The following CDH4 variants were observed in gnomAD, a reference collection of about 807,000 sequenced individuals.
CDH4 encodes cadherin-4.
CDH4 carries 33 observed loss-of-function variants against 86.0 expected under a neutral mutation model. The observed-to-expected ratio is 0.38, with a 90% CI of 0.29 to 0.51. The LOEUF (loss-of-function observed/expected upper bound fraction) is 0.51. CDH4 is among the 20% of genes least tolerant of loss of function. The pLI is 0.86. For missense variants in CDH4, 1,114 were observed against 1,307.4 expected (o/e 0.85, Z 2.28); for synonymous variants, 555 against 549.4 (o/e 1.01, Z -0.14).
At chr20:61,619,610 G>A (rs2086753537) in intron 2 of CDH4, among the ~76,000 whole-genome samples, 2 of 152,300 alleles carry the variant, frequency 1.3e-5, no homozygotes, top group Middle Eastern at 6.8e-3. Flanking sequence ...CTCAAGTCTG[G>A]TTCAGGCTGT....
chr20:61,843,825 A>G (rs1356042588), intron 4 of CDH4, among the ~76,000 whole-genome samples: 1 of 152,192 alleles, frequency 6.6e-6, no homozygotes, highest in Non-Finnish European at 1.5e-5. Context: ...TGCTAAAGAC[A>G]TGCTCAAAGT....
intron 2 of CDH4, among the ~76,000 whole-genome samples, chr20:61,275,255 G>A (rs1479675572): frequency 5.6e-5 from 8 of 142,970 alleles, no homozygotes; most frequent in South Asian, 4.6e-4. Flanking sequence ...AATACCGTGT[G>A]CAGTTTGGGG....
intron 2 of CDH4, among the ~76,000 whole-genome samples, chr20:61,264,528 C>G (rs1240686477): frequency 6.9e-6 from 1 of 145,410 alleles, no homozygotes; most frequent in Non-Finnish European, 1.5e-5. Context: ...CTACACATAC[C>G]CCAGTGGCTC....
intron 2 of CDH4, among the ~76,000 whole-genome samples, chr20:61,474,533 A>G (rs2085524258): frequency 6.6e-6 from 1 of 152,024 alleles, no homozygotes; most frequent in Non-Finnish European, 1.5e-5. Context: ...CCTTCGGGGT[A>G]GTAAATATCA....
intron 4 of CDH4, among the ~76,000 whole-genome samples, chr20:61,805,961 G>A (rs888512207): frequency 6.6e-6 from 1 of 152,224 alleles, no homozygotes; most frequent in East Asian, 1.9e-4. Context: ...TGGTGCTGTG[G>A]AAAGCTACGC....
At chr20:61,688,011 G>A (rs1214085427) in intron 2 of CDH4, among the ~76,000 whole-genome samples, 1 of 152,092 alleles carries the variant, frequency 6.6e-6, no homozygotes, top group African/African-American at 2.4e-5. Context: ...AGTCGTAAGT[G>A]CAGGAGTCTC....
At chr20:61,573,773 T>TC (rs1188974247) in intron 2 of CDH4, among the ~76,000 whole-genome samples, 18 of 152,162 alleles carry the variant, frequency 1.2e-4, no homozygotes, top group African/African-American at 4.3e-4. Flanking sequence ...AGAAATCCCA[T>TC]CACATGGCAG....
Position 61,873,787 on chromosome 20 carries a change from A to C in CDH4, c.937A>C (p.Met313Leu), listed in dbSNP as rs1430494604. Residue 313 changes from methionine to leucine, a missense_variant, in exon 7 of 16, where the codon ATG (methionine) becomes CTG (leucine). Transcript: ENST00000614565. ...TGACGACAGCACCACGGCCAACGGG[A>C]TGGTGCGGTACCGGATCGTGACCCA... is the stretch of plus-strand genomic sequence containing the variant. ...DADDSTTANG[M>L]VRYRIVTQTP... 2 of 1,614,024 alleles carry C rather than the reference A, an allele frequency of 1.2e-6. No homozygotes were observed. Among genetic ancestry groups the C allele is most frequent in the South Asian group, 2.2e-5 (2 of 91,080 alleles).
intron 2 of CDH4, among the ~76,000 whole-genome samples, chr20:61,364,914 G>A (rs903363281): frequency 2.0e-5 from 3 of 152,152 alleles, no homozygotes; most frequent in African/African-American, 7.2e-5. Flanking sequence ...TGCAGAGTGG[G>A]GACAGCAGGA....
At chr20:61,371,561 C>T (rs2084840562) in intron 2 of CDH4, among the ~76,000 whole-genome samples, 1 of 152,236 alleles carries the variant, frequency 6.6e-6, no homozygotes, top group Non-Finnish European at 1.5e-5. Flanking sequence ...CCTGTGGCTT[C>T]TCAGCCTTTC....
chr20:61,826,356 G>A (rs1351294408), intron 4 of CDH4, among the ~76,000 whole-genome samples: 1 of 152,218 alleles, frequency 6.6e-6, no homozygotes, highest in Non-Finnish European at 1.5e-5. Flanking sequence ...AGCACTCTTG[G>A]TCTTTTCTGG....
intron 2 of CDH4, chr20:61,718,770 T>C: frequency 2.1e-6 from 1 of 470,732 alleles, no homozygotes; most frequent in Non-Finnish European, 4.4e-6. Flanking sequence ...CCTACACCCC[T>C]GCACACACAC....
At chr20:61,626,491 G>T (rs190924562) in intron 2 of CDH4, among the ~76,000 whole-genome samples, 4 of 152,136 alleles carry the variant, frequency 2.6e-5, no homozygotes, top group African/African-American at 9.6e-5. Flanking sequence ...AGTGCGTTGT[G>T]GGGGGTGGGG....
chr20:61,313,679 T>A (rs75496686), intron 2 of CDH4, among the ~76,000 whole-genome samples: 3,130 of 152,316 alleles, frequency 0.021, 90 homozygotes, highest in East Asian at 0.13. Context: ...GAAGGTATAA[T>A]TGACAAATAA....
Position 61,393,988 on chromosome 20 carries a change from A to G in CDH4, c.169+139051A>G, listed in dbSNP as rs1000478084. 6.6e-6 allele frequency among the ~76,000 whole-genome samples: 1 copy of G among 152,222 alleles called. No homozygotes were observed. On this transcript the variant is annotated intron_variant, in intron 2 of 15. Coordinates refer to ENST00000614565, the MANE Select transcript of CDH4 (RefSeq NM_001794.5). This position sits in a 1 kb window ranked among gnomAD's most constrained non-coding sequence, Gnocchi z 4.3. ...AATCTAATAACATTGCTCTATCTGC[A>G]TAGATCACAGAAGACGTATAATACA...
rs183270564 is a variant in CDH4 at position 61,877,419 on chromosome 20, C to A, written c.1050+3519C>A. ...TCAGCGTGGCCTGCAAAATGTTCCACATAAAATGCTCATTTAAAAGCCATT... is the reference window on the plus strand; with the variant it reads ...TCAGCGTGGCCTGCAAAATGTTCCAAATAAAATGCTCATTTAAAAGCCATT... On this transcript the variant is annotated intron_variant, in intron 7 of 15. Coordinates refer to ENST00000614565, the MANE Select transcript of CDH4 (RefSeq NM_001794.5). Among the ~76,000 whole-genome samples, 601 of 145,908 alleles carry A rather than the reference C, an allele frequency of 4.1e-3. 3 individuals carry two copies. Among genetic ancestry groups the A allele is most frequent in the Admixed American group, 6.4e-3 (89 of 13,966 alleles).
At chr20:61,862,830 T>A (rs1160491835) in intron 6 of CDH4, among the ~76,000 whole-genome samples, 1 of 152,240 alleles carries the variant, frequency 6.6e-6, no homozygotes, top group African/African-American at 2.4e-5. Flanking sequence ...AATGTCATTT[T>A]AAAATATTAA....
At chr20:61,300,674 GC>G (rs894864930) in intron 2 of CDH4, among the ~76,000 whole-genome samples, 3 of 152,114 alleles carry the variant, frequency 2.0e-5, no homozygotes, top group African/African-American at 7.2e-5. Context: ...AGGACCCCTG[GC>G]CCCCACACCC....
intron 4 of CDH4, among the ~76,000 whole-genome samples, chr20:61,776,891 G>A (rs4925283): frequency 0.52 from 78,879 of 152,064 alleles, 20,724 homozygotes; most frequent in East Asian, 0.71. Context: ...GTCCAACTCC[G>A]TGTCATGAAG....
Sources: allele counts gnomAD v4.1 joint callset (sites outside exome capture counted in the v4.1 genomes callset), GRCh38; gene constraint gnomAD v4.1.1; non-coding constraint Gnocchi (gnomAD v3.1); transcripts MANE v1.5; gene names NCBI Gene and HGNC (gene_info 2026-07-23, HGNC 2026-07-21).